The following ANKH variants were observed in gnomAD, a reference collection of about 807,000 sequenced individuals.
ANKH encodes mineralization regulator ANKH.
A neutral mutation model predicts 49.0 loss-of-function variants in ANKH; 15 were observed. That is an observed-to-expected ratio of 0.31 (90% confidence interval 0.20 to 0.47). ANKH has a LOEUF of 0.47. Among genes scored for constraint, ANKH ranks in the 20% least tolerant of loss-of-function variants. The pLI, the probability that ANKH is intolerant of heterozygous loss-of-function variation, is 1.00. For missense variants in ANKH, 429 were observed against 652.0 expected (o/e 0.66, Z 3.72); for synonymous variants, 273 against 260.0 (o/e 1.05, Z -0.48).
intron 1 of ANKH, among the ~76,000 whole-genome samples, chr5:14,794,362 G>A (rs974698995): frequency 5.3e-5 from 8 of 152,248 alleles, no homozygotes; most frequent in African/African-American, 1.9e-4. Flanking sequence ...AAGGAGGCAG[G>A]TGAAGTGCAG....
intron 1 of ANKH, among the ~76,000 whole-genome samples, chr5:14,806,838 G>A (rs977212552): frequency 6.6e-6 from 1 of 152,216 alleles, no homozygotes; most frequent in Non-Finnish European, 1.5e-5. Flanking sequence ...GGAGAAACAC[G>A]GCATGCAGTG....
intron 2 of ANKH, among the ~76,000 whole-genome samples, chr5:14,759,444 G>T (rs1739002254): frequency 6.6e-6 from 1 of 152,128 alleles, no homozygotes; most frequent in African/African-American, 2.4e-5. Context: ...ATTGATAGAA[G>T]TTTAGATTAT....
At chr5:14,730,330 AATT>A (rs1737956497) in intron 8 of ANKH, among the ~76,000 whole-genome samples, 1 of 152,188 alleles carries the variant, frequency 6.6e-6, no homozygotes, top group Non-Finnish European at 1.5e-5. Flanking sequence ...AATCAGGGAA[AATT>A]ATTTTTTTTA....
chr5:14,793,999 A>G (rs1740291919), intron 1 of ANKH, among the ~76,000 whole-genome samples: 1 of 152,264 alleles, frequency 6.6e-6, no homozygotes, highest in South Asian at 2.1e-4. Context: ...TGCTAAGCCA[A>G]CACTTATCTG....
chr5:14,764,968 T>A (rs1300730453), intron 2 of ANKH, among the ~76,000 whole-genome samples: 1 of 152,174 alleles, frequency 6.6e-6, no homozygotes, highest in Non-Finnish European at 1.5e-5. Context: ...GACATCTTCG[T>A]GAATTAGGAG....
intron 8 of ANKH, 52 bp downstream of exon 8, chr5:14,741,775 C>T: frequency 7.1e-7 from 1 of 1,416,130 alleles, no homozygotes; most frequent in South Asian, 1.2e-5. Context: ...GCAACTTGCC[C>T]CTTTACAAAA....
chr5:14,783,046 A>T (rs1016276896), intron 1 of ANKH, among the ~76,000 whole-genome samples: 1 of 152,012 alleles, frequency 6.6e-6, no homozygotes, highest in African/African-American at 2.4e-5. Flanking sequence ...ATCCGTTAGA[A>T]CTCACTATTG....
At chr5:14,865,889 T>C (rs1370841101) in intron 1 of ANKH, among the ~76,000 whole-genome samples, 1 of 152,218 alleles carries the variant, frequency 6.6e-6, no homozygotes, top group Non-Finnish European at 1.5e-5. Flanking sequence ...TGAAGATATA[T>C]GAACACTCCT....
chr5:14,756,409 T>C (rs1218635629), intron 3 of ANKH, among the ~76,000 whole-genome samples: 2 of 152,186 alleles, frequency 1.3e-5, no homozygotes, highest in Non-Finnish European at 2.9e-5. Context: ...GCCTTCAAGT[T>C]TGGGCAGGAT....
intron 8 of ANKH, among the ~76,000 whole-genome samples, chr5:14,729,959 C>T (rs955978072): frequency 6.6e-6 from 1 of 152,220 alleles, no homozygotes. Flanking sequence ...ATTTTAAATA[C>T]TAAACACCTT....
intron 1 of ANKH, among the ~76,000 whole-genome samples, chr5:14,790,899 T>A (rs1056993044): frequency 5.3e-5 from 8 of 152,202 alleles, no homozygotes; most frequent in African/African-American, 1.9e-4. Flanking sequence ...TATAAGCCAC[T>A]ATGCCCAGCC....
chr5:14,827,469 T>C (rs1381956324), intron 1 of ANKH, among the ~76,000 whole-genome samples: 1 of 152,214 alleles, frequency 6.6e-6, no homozygotes, highest in Non-Finnish European at 1.5e-5. Flanking sequence ...ATATGAGACA[T>C]GCCGCTGTGG....
rs143191267 is a variant in ANKH at position 14,850,853 on chromosome 5, C to T, written c.96+20499G>A. The stretch of plus-strand genomic sequence containing the variant: ...CCAGAAGGCACAAACGATTAAAGCC[C>T]AGAGAGCCCTCATCGAGTTTTTTTT... On this transcript the variant is annotated intron_variant, in intron 1 of 11. Coordinates refer to ENST00000284268, the MANE Select transcript of ANKH (RefSeq NM_054027.6). Among the ~76,000 whole-genome samples the T allele has an allele frequency of 2.3e-3, 354 of 152,106 alleles. 3 individuals are homozygous for T. The highest frequency in any genetic ancestry group is 8.2e-3 in the African/African-American group (339 of 41,534).
chr5:14,765,262 A>G (rs993351885), intron 2 of ANKH, among the ~76,000 whole-genome samples: 4 of 152,272 alleles, frequency 2.6e-5, no homozygotes, highest in Non-Finnish European at 5.9e-5. Context: ...AAGGGCCAAG[A>G]AATACTCCCA....
intron 1 of ANKH, among the ~76,000 whole-genome samples, chr5:14,825,635 G>C (rs1191616597): frequency 6.6e-6 from 1 of 152,144 alleles, no homozygotes; most frequent in East Asian, 1.9e-4. Flanking sequence ...TTTAAGATGT[G>C]AGCCATCATG....
chr5:14,839,093 C>G (rs993223212), intron 1 of ANKH, among the ~76,000 whole-genome samples: 6 of 152,112 alleles, frequency 3.9e-5, no homozygotes, highest in African/African-American at 1.2e-4. Context: ...GCAAGCTGAG[C>G]CTTGTGCCAT....
At chr5:14,815,147 A>G (rs758457262) in intron 1 of ANKH, among the ~76,000 whole-genome samples, 5 of 152,208 alleles carry the variant, frequency 3.3e-5, no homozygotes, top group Non-Finnish European at 7.3e-5. Flanking sequence ...TAGAAAAGTA[A>G]GTGAACATTT....
rs189011675 is a variant in ANKH at position 14,838,949 on chromosome 5, T to A, written c.96+32403A>T. Among the ~76,000 whole-genome samples, 80 of 152,296 alleles carry A rather than the reference T, an allele frequency of 5.3e-4. No individual in the cohort carries two copies. The East Asian group carries it at 0.014, about 28-fold the overall frequency. On this transcript the variant is annotated intron_variant, in intron 1 of 11. Coordinates refer to ENST00000284268, the MANE Select transcript of ANKH (RefSeq NM_054027.6). Reference sequence around the variant, plus strand: ...GAAGGCAAAGACCTGAAGACTTGATTATTTGTTAATGTTAAATGACATTAC... The same window carrying A: ...GAAGGCAAAGACCTGAAGACTTGATAATTTGTTAATGTTAAATGACATTAC...
chr5:14,862,230 G>T (rs781016783), intron 1 of ANKH, among the ~76,000 whole-genome samples: 4 of 152,154 alleles, frequency 2.6e-5, no homozygotes, highest in African/African-American at 4.8e-5. Flanking sequence ...GAGCGAAACT[G>T]TCTCAAACAA....
Sources: gnomAD v4.1 joint callset for allele counts (sites outside exome capture counted in the v4.1 genomes callset) on GRCh38, gnomAD v4.1.1 for gene constraint, MANE v1.5 for transcripts, NCBI Gene and HGNC (gene_info 2026-07-23, HGNC 2026-07-21) for gene names.